The following LPA variants were observed in gnomAD, a reference collection of about 807,000 sequenced individuals.
LPA encodes apolipoprotein(a).
Under a neutral mutation model 197.9 loss-of-function variants are expected in LPA, and 199 were observed. The ratio of observed to expected loss-of-function variants is 1.01; its 90% confidence interval spans 0.90 to 1.13. The LOEUF (loss-of-function observed/expected upper bound fraction) is 1.13, where lower values mean the gene tolerates loss of function less well. Among genes scored for constraint, LPA ranks in the 50% most tolerant of loss-of-function variants. LPA has a pLI of 0.00. For missense variants in LPA, 1,853 were observed against 1,785.8 expected (o/e 1.04, Z -0.68); for synonymous variants, 715 against 639.5 (o/e 1.12, Z -1.78).
intron 1 of LPA, among the ~76,000 whole-genome samples, chr6:160,659,165 C>A (rs1312110616): frequency 4.6e-5 from 7 of 152,112 alleles, no homozygotes. Flanking sequence ...GCCAGTCTAG[C>A]CTTTTTACAT....
intron 28 of LPA, among the ~76,000 whole-genome samples, chr6:160,559,608 C>A (rs892400032): frequency 1.2e-4 from 19 of 152,172 alleles, no homozygotes; most frequent in African/African-American, 4.6e-4. Context: ...TTTTTTAATT[C>A]GTTTTATCAT....
chr6:160,586,658 C>T (rs368675835), intron 24 of LPA, 28 bp from the exon 25 acceptor site: 4 of 1,613,066 alleles, frequency 2.5e-6, no homozygotes, highest in Admixed American at 1.7e-5. Flanking sequence ...ATACAGGTCA[C>T]CAGAGATTGG....
chr6:160,609,777 G>T (rs1779446986), intron 16 of LPA, among the ~76,000 whole-genome samples: 1 of 151,798 alleles, frequency 6.6e-6, no homozygotes, highest in Admixed American at 6.6e-5. Flanking sequence ...GTGTGTGTTT[G>T]TGTGTGTGTT....
intron 28 of LPA, among the ~76,000 whole-genome samples, chr6:160,576,370 A>ATATATATATATATG (rs1778667079): frequency 9.8e-5 from 1 of 10,252 alleles, no homozygotes; most frequent in Non-Finnish European, 1.7e-4. Context: ...ATATATACAT[A>ATATATATATATATG]TATATATATA....
rs780986775 is a variant in LPA, at chr6:160,540,200, T to G, written c.5595-17A>C. 6.2e-7 allele frequency: 1 copy of G among 1,614,084 alleles called. No homozygotes were observed. The highest frequency in any genetic ancestry group is 1.7e-5 in the Admixed American group (1 of 60,008). ...CTTGAGGACCTAGAAAAGATGAGGA[T>G]GTCAAGAGAAAAATATGGTCCAGCC... On this transcript the variant is annotated splice_polypyrimidine_tract_variant and intron_variant, in intron 35 of 38. Coordinates refer to ENST00000316300, the MANE Select transcript of LPA (RefSeq NM_005577.4).
chr6:160,606,805 A>T (rs1779364448), intron 16 of LPA, 147 bp from the exon 17 acceptor site: 1 of 1,248,338 alleles, frequency 8.0e-7, no homozygotes, highest in South Asian at 1.2e-5. Context: ...ACAAGCACAA[A>T]TGGCTCTCAA....
chr6:160,649,050 T>C (rs1779957532), intron 2 of LPA, among the ~76,000 whole-genome samples: 1 of 152,210 alleles, frequency 6.6e-6, no homozygotes. Context: ...TGAGTTTTCC[T>C]CTCAGAGGCA....
chr6:160,598,047 A>G (rs2115051796), intron 20 of LPA, among the ~76,000 whole-genome samples: 2 of 152,250 alleles, frequency 1.3e-5, no homozygotes, highest in South Asian at 4.1e-4. Context: ...GTCTACTCAT[A>G]AAGTCTGACT....
chr6:160,535,691 A>T (rs978520739), intron 37 of LPA, among the ~76,000 whole-genome samples: 1 of 146,798 alleles, frequency 6.8e-6, no homozygotes. Context: ...GGTGGCGATG[A>T]TGTTGATGGG....
intron 16 of LPA, among the ~76,000 whole-genome samples, chr6:160,607,813 C>G (rs1431702138): frequency 2.0e-5 from 3 of 152,158 alleles, no homozygotes; most frequent in Non-Finnish European, 4.4e-5. Flanking sequence ...AAATTTCTTT[C>G]TTCCTTGGCT....
intron 17 of LPA, among the ~76,000 whole-genome samples, chr6:160,606,224 A>G (rs776786858): frequency 5.3e-5 from 8 of 152,162 alleles, no homozygotes; most frequent in Non-Finnish European, 7.4e-5. Flanking sequence ...CCCATTTTTC[A>G]ACGAGGTGAG....
In LPA at chr6:160,583,969, G is replaced by C. The variant is rs533975543; in HGVS notation, c.4289+1077C>G. Among the ~76,000 whole-genome samples the C allele has an allele frequency of 3.3e-5, 5 of 152,198 alleles. No homozygotes were observed. The East Asian group carries it at 9.7e-4, about 29-fold the overall frequency. On this transcript the variant is annotated intron_variant, in intron 26 of 38. Coordinates refer to ENST00000316300, the MANE Select transcript of LPA (RefSeq NM_005577.4). ...TATTCATACTCACTTATGGCAAGAG[G>C]CCAGTTTTTGTCAGACATGCATTTT...
At chr6:160,537,750 C>T (rs896307150) in intron 37 of LPA, 105 bp downstream of exon 37, 62 of 1,073,334 alleles carry the variant, frequency 5.8e-5, no homozygotes, top group Non-Finnish European at 2.7e-5. Context: ...GGGTAGACCA[C>T]ATTCATGGGT....
intron 16 of LPA, among the ~76,000 whole-genome samples, chr6:160,608,859 G>A (rs1424337111): frequency 6.6e-6 from 1 of 151,598 alleles, no homozygotes; most frequent in Non-Finnish European, 1.5e-5. Context: ...GTGAGTTTTT[G>A]CGTGGGTGTG....
At chr6:160,594,974 C>G (rs1389917898) in intron 21 of LPA, among the ~76,000 whole-genome samples, 2 of 152,174 alleles carry the variant, frequency 1.3e-5, no homozygotes, top group Non-Finnish European at 2.9e-5. Flanking sequence ...GCCAAAGATG[C>G]AATGAACACT....
intron 29 of LPA, among the ~76,000 whole-genome samples, chr6:160,557,017 AACTGCAATGCTGAAGATTGC>A (rs566223107): frequency 5.3e-5 from 8 of 152,314 alleles, no homozygotes; most frequent in Middle Eastern, 3.4e-3. Context: ...ATACCTCAGC[AACTGCAATGCTGAAGATTGC>A]AATGAACACT....
At chr6:160,608,315 T>C (rs1779404856) in intron 16 of LPA, among the ~76,000 whole-genome samples, 1 of 152,130 alleles carries the variant, frequency 6.6e-6, no homozygotes, top group Admixed American at 6.5e-5. Flanking sequence ...ACAACATACA[T>C]TTATGCAGCA....
chr6:160,606,670 A>T lies in LPA; in HGVS notation c.2604-12T>A. ...TCATGATCAAGCCACTGGAAATTCC[A>T]AAACGATACACGTCACAAGAGGTGG... On this transcript the variant is annotated splice_polypyrimidine_tract_variant and intron_variant, in intron 16 of 38. Transcript: ENST00000316300. 1.2e-6 allele frequency: 2 copies of T among 1,613,936 alleles called. No homozygotes were observed. The highest frequency in any genetic ancestry group is 2.2e-5 in the South Asian group (2 of 91,082).
intron 17 of LPA, 76 bp from the exon 18 acceptor site, chr6:160,605,281 A>T: frequency 1.3e-6 from 2 of 1,556,504 alleles, no homozygotes; most frequent in Non-Finnish European, 8.8e-7. Context: ...TATGGCACAA[A>T]CCAGAAAAAA....
Sources: allele counts gnomAD v4.1 joint callset (sites outside exome capture counted in the v4.1 genomes callset), GRCh38; gene constraint gnomAD v4.1.1; transcripts MANE v1.5; gene names NCBI Gene and HGNC (gene_info 2026-07-23, HGNC 2026-07-21).